Variants in USH2A observed in about 807,000 individuals in gnomAD.
The protein encoded by USH2A is Usher syndrome 2A (autosomal recessive, mild).
USH2A carries 443 observed loss-of-function variants against 538.9 expected under a neutral mutation model. That is an observed-to-expected ratio of 0.82 (90% CI 0.76 to 0.89). The LOEUF (loss-of-function observed/expected upper bound fraction) is 0.89. USH2A is among the 40% of genes least tolerant of loss of function. USH2A has a pLI of 0.00. For missense variants in USH2A, 6,633 were observed against 6,324.8 expected (o/e 1.05, Z -1.65); for synonymous variants, 2,413 against 2,273.5 (o/e 1.06, Z -1.75).
At position 215,739,528 on chromosome 1, in the gene USH2A, C is replaced by T. The variant is rs368671249; in HGVS notation, c.11711+1847G>A. Among the ~76,000 whole-genome samples the T allele has an allele frequency of 5.9e-5, 9 of 152,320 alleles. No homozygotes were observed. In the East Asian group the frequency reaches 1.3e-3, roughly 23 times the overall value. ...GAATAGGAATTTGATGTGCTTTTCT[C>T]ATGCAATTAGCATTAAGTGGATGAA... On this transcript the variant is annotated intron_variant, in intron 60 of 71. Coordinates refer to ENST00000307340, the MANE Select transcript of USH2A (RefSeq NM_206933.4).
At position 215,624,169 on chromosome 1, in the gene USH2A, T is replaced by C. The variant is rs1471807212; in HGVS notation, c.*1612A>G. On this transcript the variant is annotated 3_prime_UTR_variant, in exon 72 of 72. Transcript: ENST00000307340. The stretch of plus-strand genomic sequence containing the variant: ...AGTCACTGCCAGATGTGCACAATTA[T>C]TTCAGATGCTTTTGTTTATAGCAGT... The C allele has an allele frequency of 2.6e-5, 4 of 152,194 alleles. No individual in the cohort carries two copies. The highest frequency in any genetic ancestry group is 4.4e-5 in the Non-Finnish European group (3 of 68,016). The allele number at this position is 152,194 out of a possible 1,614,324, so 9.4% of individuals were successfully genotyped here. A position where few individuals can be genotyped will look rare whatever the true frequency, so the allele number is the denominator to read the frequency against.
chr1:215,665,498 C>G (rs1054127928), intron 64 of USH2A, among the ~76,000 whole-genome samples: 1 of 152,272 alleles, frequency 6.6e-6, no homozygotes, highest in East Asian at 1.9e-4. Flanking sequence ...CTATCAAATC[C>G]GTGGTGAGTC....
intron 3 of USH2A, among the ~76,000 whole-genome samples, chr1:216,402,943 A>C (rs1246607053): frequency 6.6e-6 from 1 of 152,208 alleles, no homozygotes; most frequent in Admixed American, 6.5e-5. Flanking sequence ...TACAACACTA[A>C]GCTAAATCTA....
chr1:216,294,798 G>A (rs2102614533), intron 9 of USH2A, among the ~76,000 whole-genome samples: 1 of 151,842 alleles, frequency 6.6e-6, no homozygotes, highest in East Asian at 1.9e-4. Flanking sequence ...TAGTATTTAT[G>A]TCTTTGGATA....
chr1:215,706,676 A>G (rs1659193495), intron 61 of USH2A, among the ~76,000 whole-genome samples: 2 of 152,360 alleles, frequency 1.3e-5, no homozygotes, highest in East Asian at 1.9e-4. Flanking sequence ...AACATATTTC[A>G]GTATAATAGG....
At chr1:215,938,778 T>C (rs890508777) in intron 37 of USH2A, among the ~76,000 whole-genome samples, 1 of 152,106 alleles carries the variant, frequency 6.6e-6, no homozygotes, top group Non-Finnish European at 1.5e-5. Context: ...GTCTGAGCCA[T>C]TGGGCTTTAA....
chr1:215,957,482 T>C (rs977404784), intron 37 of USH2A, among the ~76,000 whole-genome samples: 1 of 152,234 alleles, frequency 6.6e-6, no homozygotes, highest in African/African-American at 2.4e-5. Flanking sequence ...ACACTATCAC[T>C]TGCTGCTTTA....
chr1:216,365,050 G>A lies in USH2A; in HGVS notation c.687C>T (p.Gly229=), dbSNP rs766740504. ...HQTKISFFIN[G]VEKDHTPFNA... ...TGAAAGGTGTATGATCCTTCTCCAC[G>A]CCATTGATAAAGAAGCTGATTTTTG... is the stretch of plus-strand genomic sequence containing the variant. The change falls in exon 4 of 72, where the codon GGC becomes GGT. Residue 229 remains glycine, a synonymous_variant. Transcript: ENST00000307340. The A allele has an allele frequency of 1.6e-5, 26 of 1,613,136 alleles. No homozygotes were observed. In the South Asian group the frequency reaches 2.1e-4, roughly 13 times the overall value.
At chr1:215,773,209 A>G (rs930683444) in intron 55 of USH2A, among the ~76,000 whole-genome samples, 1 of 152,098 alleles carries the variant, frequency 6.6e-6, no homozygotes, top group African/African-American at 2.4e-5. Flanking sequence ...GGCAGGAACT[A>G]AGGACTGTAC....
At chr1:216,196,117 T>C (rs1468352374) in intron 19 of USH2A, among the ~76,000 whole-genome samples, 1 of 152,186 alleles carries the variant, frequency 6.6e-6, no homozygotes, top group Non-Finnish European at 1.5e-5. Flanking sequence ...TTCAGATTTT[T>C]GAAGTAGAAA....
chr1:215,830,854 G>A (rs1356235821), intron 47 of USH2A, among the ~76,000 whole-genome samples: 1 of 152,152 alleles, frequency 6.6e-6, no homozygotes, highest in Non-Finnish European at 1.5e-5. Context: ...GAAAAAATAG[G>A]AACTGACTGT....
At chr1:215,959,654 C>CT (rs1234249834) in intron 37 of USH2A, among the ~76,000 whole-genome samples, 5 of 152,058 alleles carry the variant, frequency 3.3e-5, no homozygotes, top group Non-Finnish European at 7.4e-5. Context: ...CATTTACCCT[C>CT]TTTTTTCCCC....
chr1:215,922,071 C>T (rs922797421), intron 38 of USH2A, among the ~76,000 whole-genome samples: 2 of 151,998 alleles, frequency 1.3e-5, no homozygotes, highest in African/African-American at 4.8e-5. Flanking sequence ...CCCTAGAATC[C>T]AGGATGAAGA....
At chr1:216,367,360 C>A (rs2038618601) in intron 3 of USH2A, among the ~76,000 whole-genome samples, 1 of 152,124 alleles carries the variant, frequency 6.6e-6, no homozygotes, top group South Asian at 2.1e-4. Flanking sequence ...GGTAATAATT[C>A]TTAGGCTTTC....
chr1:215,789,395 T>C (rs1044612181), intron 51 of USH2A, among the ~76,000 whole-genome samples: 2 of 152,182 alleles, frequency 1.3e-5, no homozygotes, highest in Non-Finnish European at 2.9e-5. Flanking sequence ...AATGACAAAT[T>C]ACTACAGAAC....
chr1:215,881,611 T>G (rs1329163602), intron 41 of USH2A, among the ~76,000 whole-genome samples: 1 of 152,232 alleles, frequency 6.6e-6, no homozygotes, highest in Non-Finnish European at 1.5e-5. Context: ...AGAAAGATTA[T>G]GAAATATTGT....
At chr1:216,032,192 C>T (rs749705126) in intron 32 of USH2A, among the ~76,000 whole-genome samples, 2 of 150,840 alleles carry the variant, frequency 1.3e-5, no homozygotes, top group Admixed American at 6.6e-5. Flanking sequence ...TAGAGACATG[C>T]TTTTTTTTTG....
intron 50 of USH2A, among the ~76,000 whole-genome samples, chr1:215,792,177 T>C (rs1429923655): frequency 6.6e-6 from 1 of 152,198 alleles, no homozygotes; most frequent in East Asian, 1.9e-4. Flanking sequence ...ATGCAGACAT[T>C]GACCTAATTT....
intron 40 of USH2A, among the ~76,000 whole-genome samples, chr1:215,891,973 A>G (rs1665221975): frequency 6.6e-6 from 1 of 152,210 alleles, no homozygotes; most frequent in Admixed American, 6.5e-5. Context: ...AACATTAATA[A>G]CGGAAAGTAG....
Sources: allele counts gnomAD v4.1 joint callset (sites outside exome capture counted in the v4.1 genomes callset), GRCh38; gene constraint gnomAD v4.1.1; transcripts MANE v1.5; gene names NCBI Gene and HGNC (gene_info 2026-07-23, HGNC 2026-07-21).